RAF1: variants seen among roughly 807,000 people sequenced by gnomAD.
The protein encoded by RAF1 is Raf-1 proto-oncogene, serine/threonine kinase, also known as RAF proto-oncogene serine/threonine-protein kinase.
A neutral mutation model predicts 81.1 loss-of-function variants in RAF1; 27 were observed. The ratio of observed to expected loss-of-function variants is 0.33; its 90% CI spans 0.25 to 0.46. The LOEUF is 0.46. RAF1 is among the 20% of genes least tolerant of loss of function. RAF1 has a pLI of 1.00. For missense variants in RAF1, 598 were observed against 826.0 expected, an observed-to-expected ratio of 0.72 and a Z score of 3.38; for synonymous variants, 298 against 294.0, an observed-to-expected ratio of 1.01 and a Z score of -0.14.
chr3:12,627,331 T>A (rs1343087744), intron 1 of RAF1, among the ~76,000 whole-genome samples: 5 of 152,208 alleles, frequency 3.3e-5, no homozygotes, highest in Non-Finnish European at 7.3e-5. Context: ...GATTCCTGAC[T>A]TCCCCTGGTC....
At chr3:12,649,851 T>C (rs983701602) in intron 1 of RAF1, among the ~76,000 whole-genome samples, 2 of 151,836 alleles carry the variant, frequency 1.3e-5, no homozygotes, top group African/African-American at 4.8e-5. Context: ...AAAATTGTTT[T>C]TAATTAGCTG....
chr3:12,622,386 TCTAAACTCC>T (rs201042128), intron 1 of RAF1, among the ~76,000 whole-genome samples: 2,240 of 152,240 alleles, frequency 0.015, 25 homozygotes, highest in Non-Finnish European at 0.022. Flanking sequence ...CAGAATAAAA[TCTAAACTCC>T]CTGACAAGGC....
chr3:12,585,542 T>C (rs752186071), intron 15 of RAF1, 139 bp downstream of exon 14: 58 of 1,373,820 alleles, frequency 4.2e-5, no homozygotes, highest in Non-Finnish European at 5.6e-5. Context: ...AAATCTACAA[T>C]TGCCCTGAGG....
chr3:12,619,055 C>T (rs373089459), intron 1 of RAF1, among the ~76,000 whole-genome samples: 1 of 150,566 alleles, frequency 6.6e-6, no homozygotes, highest in Non-Finnish European at 1.5e-5. Context: ...ACCATCCTGG[C>T]TAACACGGTG....
At chr3:12,661,780 G>C (rs1157684592) in intron 1 of RAF1, among the ~76,000 whole-genome samples, 1 of 152,112 alleles carries the variant, frequency 6.6e-6, no homozygotes, top group Non-Finnish European at 1.5e-5. Context: ...TAACATTTTT[G>C]TGAGCAAGTA....
intron 1 of RAF1, among the ~76,000 whole-genome samples, chr3:12,646,831 G>C (rs1175664593): frequency 6.6e-6 from 1 of 151,748 alleles, no homozygotes; most frequent in African/African-American, 2.4e-5. Context: ...TTACAGGTGT[G>C]AGCCACCACG....
At chr3:12,585,860 C>T (rs1386964578) in intron 14 of RAF1, 61 bp from the exon 14 acceptor site, 5 of 1,183,978 alleles carry the variant, frequency 4.2e-6, no homozygotes, top group Admixed American at 1.7e-5. Flanking sequence ...TGAAAAATAT[C>T]CCAAAGTTCT....
At chr3:12,612,296 A>G (rs534864386) in intron 2 of RAF1, among the ~76,000 whole-genome samples, 1 of 152,336 alleles carries the variant, frequency 6.6e-6, no homozygotes, top group Non-Finnish European at 1.5e-5. Context: ...GATGGAGAGG[A>G]GTCCATGATA....
chr3:12,631,317 G>A (rs1375187867), intron 1 of RAF1, among the ~76,000 whole-genome samples: 1 of 152,190 alleles, frequency 6.6e-6, no homozygotes, highest in Admixed American at 6.5e-5. Flanking sequence ...GTTCAATAGT[G>A]GCCAGGCGCA....
chr3:12,662,961 G>C (rs1004102980), intron 1 of RAF1, among the ~76,000 whole-genome samples: 13 of 152,152 alleles, frequency 8.5e-5, no homozygotes, highest in African/African-American at 3.1e-4. Context: ...TTTCCACTTA[G>C]ATTAAGTGAC....
chr3:12,617,137 T>C (rs1389473436), intron 2 of RAF1, among the ~76,000 whole-genome samples: 1 of 151,836 alleles, frequency 6.6e-6, no homozygotes, highest in Non-Finnish European at 1.5e-5. Flanking sequence ...TTTTTTAATA[T>C]AGTCTCACCC....
intron 1 of RAF1, among the ~76,000 whole-genome samples, chr3:12,630,103 A>G (rs558152411): frequency 2.2e-4 from 33 of 152,300 alleles, no homozygotes; most frequent in South Asian, 4.1e-4. Context: ...TTTACTTACA[A>G]TAAAACAAAA....
At chr3:12,638,722 TA>T (rs1400110476) in intron 1 of RAF1, among the ~76,000 whole-genome samples, 1 of 152,154 alleles carries the variant, frequency 6.6e-6, no homozygotes, top group Admixed American at 6.6e-5. Flanking sequence ...AGGGGACTTT[TA>T]AACTACAGGG....
chr3:12,618,384 C>T, intron 2 of RAF1, 131 bp downstream of exon 2: 2 of 929,460 alleles, frequency 2.2e-6, no homozygotes, highest in Non-Finnish European at 3.3e-6. Flanking sequence ...AATAAATCTG[C>T]AGTTAGAAAA....
intron 1 of RAF1, among the ~76,000 whole-genome samples, chr3:12,621,048 T>C (rs1223534026): frequency 1.3e-5 from 2 of 152,150 alleles, no homozygotes; most frequent in Non-Finnish European, 1.5e-5. Flanking sequence ...TTTTCAAGCC[T>C]TCCTCCTTCA....
At chr3:12,644,048 G>C (rs373643798) in intron 1 of RAF1, among the ~76,000 whole-genome samples, 3 of 152,060 alleles carry the variant, frequency 2.0e-5, no homozygotes, top group African/African-American at 7.2e-5. Flanking sequence ...AAAAACCCTG[G>C]AAAGGTTTTG....
At chr3:12,602,919 A>C (rs2058906875) in intron 8 of RAF1, among the ~76,000 whole-genome samples, 1 of 152,208 alleles carries the variant, frequency 6.6e-6, no homozygotes, top group Non-Finnish European at 1.5e-5. Context: ...AGGGTTTATC[A>C]ACCAAAAACA....
At chr3:12,643,210 C>A (rs2060245970) in intron 1 of RAF1, among the ~76,000 whole-genome samples, 1 of 152,188 alleles carries the variant, frequency 6.6e-6, no homozygotes, top group Non-Finnish European at 1.5e-5. Context: ...GCACAGAACT[C>A]ACAAACATTC....
intron 2 of RAF1, 84 bp downstream of exon 2, chr3:12,618,431 G>C: frequency 2.2e-6 from 3 of 1,357,266 alleles, no homozygotes; most frequent in Non-Finnish European, 3.2e-6. Flanking sequence ...TGAATATTTT[G>C]CCTGTCTTTA....
Sources: allele counts gnomAD v4.1 joint callset (sites outside exome capture counted in the v4.1 genomes callset), GRCh38; gene constraint gnomAD v4.1.1; transcripts MANE v1.5; gene names NCBI Gene and HGNC (gene_info 2026-07-23, HGNC 2026-07-21).